The following PKHD1 variants were observed in gnomAD, a reference collection of about 807,000 sequenced individuals.
PKHD1 encodes the protein PKHD1 ciliary IPT domain containing fibrocystin/polyductin.
A neutral mutation model predicts 412.0 loss-of-function variants in PKHD1; 291 were observed. The observed-to-expected ratio is 0.71, with a 90% CI of 0.64 to 0.78. The LOEUF (loss-of-function observed/expected upper bound fraction) is 0.78, where lower values mean the gene tolerates loss of function less well. Ranked by LOEUF, PKHD1 falls within the 30% of genes least tolerant of loss-of-function variation. The pLI is 0.00. For missense variants in PKHD1, 4,825 were observed against 4,950.7 expected (o/e 0.97, Z 0.76); for synonymous variants, 1,777 against 1,821.5 (o/e 0.98, Z 0.62).
At chr6:51,918,250 C>T (rs935387300) in intron 37 of PKHD1, among the ~76,000 whole-genome samples, 1 of 151,766 alleles carries the variant, frequency 6.6e-6, no homozygotes, top group African/African-American at 2.4e-5. Context: ...GCAGAACGTG[C>T]AGGTTTGTTA....
chr6:52,062,578 C>T lies in PKHD1; in HGVS notation c.1059G>A (p.Gln353=), dbSNP rs1317226081. ...ATGGAGAACTGGCATTAGGGACAAT[C>T]TGCCACCTGTACCCTGGGGTGGCTT... ...LTEATPGYRW[Q]IVPNASSPFG... Residue 353 remains glutamine, a synonymous_variant, in exon 14 of 67, where the codon CAG becomes CAA. Coordinates refer to ENST00000371117, the MANE Select transcript of PKHD1 (RefSeq NM_138694.4). 1 of 1,614,010 alleles carries T rather than the reference C, an allele frequency of 6.2e-7. No homozygotes were observed. The highest frequency in any genetic ancestry group is 8.5e-7 in the Non-Finnish European group (1 of 1,179,942).
In PKHD1 at chr6:52,035,660, T is replaced by C. The variant is rs760378961; in HGVS notation, c.3159A>G (p.Gly1053=). 1 of 1,613,914 alleles carries C rather than the reference T, an allele frequency of 6.2e-7. No individual in the cohort carries two copies. The highest frequency in any genetic ancestry group is 8.5e-7 in the Non-Finnish European group (1 of 1,179,862). The change falls in exon 28 of 67, where the codon GGA becomes GGG. Residue 1053 remains glycine, a synonymous_variant. Transcript: ENST00000371117. ...CGACATTGATGGCACACGAGTAAGA[T>C]CCAAATAATATCAGGCTAACACCTT... ...SLEGVSLILF[G]SYSCAINVAT... is the part of the protein sequence containing the mutation.
chr6:51,958,641 A>AG (rs1791527380), intron 36 of PKHD1, among the ~76,000 whole-genome samples: 2 of 152,232 alleles, frequency 1.3e-5, no homozygotes, highest in South Asian at 4.2e-4. Flanking sequence ...GAATGCCTGA[A>AG]GGGGAGCCCA....
intron 60 of PKHD1, chr6:51,682,342 C>A: frequency 2.5e-6 from 1 of 406,610 alleles, no homozygotes; most frequent in Non-Finnish European, 4.9e-6. Flanking sequence ...ACCTGAGCAT[C>A]AGTATTCTCT....
chr6:51,717,389 G>A (rs1007616076), intron 60 of PKHD1, among the ~76,000 whole-genome samples: 5 of 150,622 alleles, frequency 3.3e-5, no homozygotes, highest in Admixed American at 6.6e-5. Context: ...TCCAGTCTGG[G>A]GGTCGAGAGC....
intron 49 of PKHD1, among the ~76,000 whole-genome samples, chr6:51,849,557 T>C (rs559379381): frequency 8.2e-4 from 125 of 152,334 alleles, no homozygotes; most frequent in Non-Finnish European, 1.5e-3. Context: ...CCAGCTTTCA[T>C]TGTTTCCTGA....
intron 51 of PKHD1, 60 bp from the exon 52 acceptor site, chr6:51,831,049 C>A (rs1378324941): frequency 5.9e-6 from 8 of 1,349,584 alleles, no homozygotes; most frequent in Non-Finnish European, 7.4e-6. Flanking sequence ...CAAATTCTAT[C>A]CTTATTTTAG....
chr6:51,963,160 T>A (rs1272698195), intron 35 of PKHD1, among the ~76,000 whole-genome samples: 1 of 152,100 alleles, frequency 6.6e-6, no homozygotes, highest in Non-Finnish European at 1.5e-5. Context: ...CTGAAACATT[T>A]ACATCCCTTT....
chr6:51,721,101 C>T, intron 60 of PKHD1: 2 of 983,948 alleles, frequency 2.0e-6, no homozygotes, highest in Non-Finnish European at 2.4e-6. Context: ...ACTATTTCCT[C>T]CATCAGTGCA....
chr6:51,685,102 A>G (rs149245400), intron 60 of PKHD1, among the ~76,000 whole-genome samples: 2,063 of 152,210 alleles, frequency 0.014, 21 homozygotes, highest in Non-Finnish European at 0.022. Context: ...ATCTTTCAAG[A>G]ATAGTTTTCT....
intron 40 of PKHD1, among the ~76,000 whole-genome samples, chr6:51,906,548 C>A (rs1782127947): frequency 6.6e-6 from 1 of 150,376 alleles, no homozygotes. Flanking sequence ...ATTCAACAAT[C>A]AAGTGTTAGA....
chr6:51,698,676 C>T (rs538600141), intron 60 of PKHD1, among the ~76,000 whole-genome samples: 24 of 152,024 alleles, frequency 1.6e-4, no homozygotes, highest in Admixed American at 2.6e-4. Flanking sequence ...GAAAATAGTC[C>T]AAATTTTCCT....
At chr6:51,849,129 A>C (rs1338599556) in intron 49 of PKHD1, among the ~76,000 whole-genome samples, 1 of 151,816 alleles carries the variant, frequency 6.6e-6, no homozygotes, top group Non-Finnish European at 1.5e-5. Flanking sequence ...TTCAACTCCC[A>C]CTTATGAGTG....
chr6:52,076,182 A>G lies in PKHD1; in HGVS notation c.448+94T>C, dbSNP rs530393547. Reference sequence around the variant, plus strand: ...AAAACAGCATCAAAGAAGAAGTTAAATTTTCCCACTCATAAAAACCACTCA... The same window carrying G: ...AAAACAGCATCAAAGAAGAAGTTAAGTTTTCCCACTCATAAAAACCACTCA... On this transcript the variant is annotated intron_variant, in intron 6 of 66. Coordinates refer to ENST00000371117, the MANE Select transcript of PKHD1 (RefSeq NM_138694.4). 132 of 824,660 alleles carry G rather than the reference A, an allele frequency of 1.6e-4. No homozygotes were observed. In the African/African-American group the frequency reaches 1.9e-3, roughly 12 times the overall value. 51.1% of individuals were successfully genotyped at this position (824,660 alleles called of 1,614,324 possible).
Position 51,737,991 on chromosome 6 carries a change from C to T in PKHD1, c.10156+6394G>A, listed in dbSNP as rs143674716. Among the ~76,000 whole-genome samples, 262 of 152,252 alleles carry T rather than the reference C, an allele frequency of 1.7e-3. 2 individuals are homozygous for T. The highest frequency in any genetic ancestry group is 6.0e-3 in the African/African-American group (250 of 41,532). ...CAAATAATCAGACAAATTAGATATA[C>T]AAACTATAAGCCCCACGTTTACTTA... On this transcript the variant is annotated intron_variant, in intron 60 of 66. Coordinates refer to ENST00000371117, the MANE Select transcript of PKHD1 (RefSeq NM_138694.4).
intron 56 of PKHD1, among the ~76,000 whole-genome samples, 195 bp downstream of exon 56, chr6:51,754,589 C>T (rs772763606): frequency 4.6e-5 from 7 of 152,016 alleles, no homozygotes; most frequent in Non-Finnish European, 7.4e-5. Flanking sequence ...GTATAACATC[C>T]AAGTATTCTT....
At chr6:51,638,602 C>A (rs751003598) in intron 64 of PKHD1, among the ~76,000 whole-genome samples, 4 of 152,066 alleles carry the variant, frequency 2.6e-5, no homozygotes. Flanking sequence ...GAACACTGAA[C>A]GTAAACGTCA....
At chr6:51,994,289 C>T (rs1323844065) in intron 35 of PKHD1, among the ~76,000 whole-genome samples, 1 of 152,028 alleles carries the variant, frequency 6.6e-6, no homozygotes, top group Non-Finnish European at 1.5e-5. Flanking sequence ...CGCCTGCCAC[C>T]GCGCCCAGCT....
chr6:51,753,344 T>G lies in PKHD1; in HGVS notation c.8807A>C (p.His2936Pro). The change falls in exon 57 of 67, where the codon CAT (histidine) becomes CCT (proline). Residue 2936 changes from histidine (H) to proline (P), a missense_variant. Coordinates refer to ENST00000371117, the MANE Select transcript of PKHD1 (RefSeq NM_138694.4). ...RLKHRHIGSV[H>P]VTEDGRHIRL... ...AATGTGTCGGCCATCCTCCGTGACA[T>G]GTACACTTCCTGGGGCAATAGGAGT... The G allele has an allele frequency of 6.2e-7, 1 of 1,613,680 alleles. No homozygotes were observed. The highest frequency in any genetic ancestry group is 8.5e-7 in the Non-Finnish European group (1 of 1,179,730).
Sources: allele counts gnomAD v4.1 joint callset (sites outside exome capture counted in the v4.1 genomes callset), GRCh38; gene constraint gnomAD v4.1.1; transcripts MANE v1.5; gene names NCBI Gene and HGNC (gene_info 2026-07-23, HGNC 2026-07-21).